The following LUZP2 variants were observed in gnomAD, a reference collection of about 807,000 sequenced individuals.
The protein encoded by LUZP2 is leucine zipper protein 2.
A neutral mutation model predicts 51.6 loss-of-function variants in LUZP2; 52 were observed. The observed-to-expected ratio is 1.01, with a 90% CI of 0.81 to 1.27. The LOEUF is 1.27. Among genes scored for constraint, LUZP2 ranks in the 50% most tolerant of loss-of-function variants. LUZP2 has a pLI of 0.00. For synonymous variants in LUZP2, 154 were observed against 137.3 expected (o/e 1.12, Z -0.85); for missense variants, 436 against 395.4 (o/e 1.10, Z -0.87).
intron 1 of LUZP2, among the ~76,000 whole-genome samples, chr11:24,726,948 T>G (rs1454329394): frequency 6.6e-6 from 1 of 152,152 alleles, no homozygotes; most frequent in Non-Finnish European, 1.5e-5. Context: ...GGACCTTAAA[T>G]GTTTGAATCT....
chr11:24,987,747 G>A (rs1246768886), intron 9 of LUZP2, among the ~76,000 whole-genome samples: 1 of 151,924 alleles, frequency 6.6e-6, no homozygotes, highest in African/African-American at 2.4e-5. Flanking sequence ...TGGAAGTTTA[G>A]ATAGATCAAG....
At chr11:24,759,409 C>T (rs1007634728) in intron 4 of LUZP2, among the ~76,000 whole-genome samples, 8 of 152,034 alleles carry the variant, frequency 5.3e-5, no homozygotes, top group African/African-American at 1.7e-4. Flanking sequence ...GCCTAAAATG[C>T]TAATATATTT....
At chr11:25,062,758 C>G (rs1858881862) in intron 10 of LUZP2, among the ~76,000 whole-genome samples, 1 of 151,082 alleles carries the variant, frequency 6.6e-6, no homozygotes, top group South Asian at 2.1e-4. Context: ...ACATTTCTTG[C>G]TTTGTATTAG....
chr11:24,694,894 G>A (rs958226210), intron 1 of LUZP2, among the ~76,000 whole-genome samples: 27 of 151,484 alleles, frequency 1.8e-4, no homozygotes, highest in Non-Finnish European at 3.5e-4. Context: ...CACAGGGAGG[G>A]GAACATCACA....
chr11:24,960,008 C>A (rs1310885382), intron 7 of LUZP2, among the ~76,000 whole-genome samples: 2 of 152,164 alleles, frequency 1.3e-5, no homozygotes, highest in East Asian at 1.9e-4. Context: ...TTGAGATAAT[C>A]ATGTGGTTTT....
intron 1 of LUZP2, among the ~76,000 whole-genome samples, chr11:24,617,215 ATT>A (rs35027145): frequency 8.8e-5 from 13 of 147,982 alleles, no homozygotes; most frequent in South Asian, 4.3e-4. Flanking sequence ...ATGTTCACTG[ATT>A]TTTTTTTTCC....
chr11:24,617,505 C>T (rs1176287280), intron 1 of LUZP2, among the ~76,000 whole-genome samples: 15 of 152,170 alleles, frequency 9.9e-5, no homozygotes, highest in Admixed American at 7.2e-4. Context: ...ATTCTTAGTA[C>T]GATAGTGATT....
At chr11:25,061,669 C>A (rs1858841644) in intron 10 of LUZP2, among the ~76,000 whole-genome samples, 1 of 152,212 alleles carries the variant, frequency 6.6e-6, no homozygotes, top group East Asian at 1.9e-4. Context: ...ACTTGTACTA[C>A]TCTTTGTATT....
At chr11:24,628,855 G>A (rs116973938) in intron 1 of LUZP2, among the ~76,000 whole-genome samples, 42 of 152,148 alleles carry the variant, frequency 2.8e-4, no homozygotes, top group African/African-American at 8.0e-4. Flanking sequence ...CCTCTTGCCC[G>A]GCCTGCTTGG....
chr11:24,620,690 G>A (rs1202182379), intron 1 of LUZP2, among the ~76,000 whole-genome samples: 1 of 152,152 alleles, frequency 6.6e-6, no homozygotes, highest in Admixed American at 6.5e-5. Flanking sequence ...GTGGACAGCT[G>A]CAAAGTAAGT....
At chr11:24,958,091 T>C (rs1273325469) in intron 7 of LUZP2, among the ~76,000 whole-genome samples, 1 of 152,250 alleles carries the variant, frequency 6.6e-6, no homozygotes, top group Non-Finnish European at 1.5e-5. Context: ...TCATCATTTT[T>C]TTATGGCTGC....
At chr11:24,736,096 C>T (rs530846529) in intron 3 of LUZP2, among the ~76,000 whole-genome samples, 1 of 151,962 alleles carries the variant, frequency 6.6e-6, no homozygotes, top group African/African-American at 2.4e-5. Flanking sequence ...TCTATCTTTT[C>T]CAGATTTTAC....
intron 9 of LUZP2, among the ~76,000 whole-genome samples, chr11:24,995,453 G>T (rs1207217706): frequency 6.6e-6 from 1 of 151,986 alleles, no homozygotes; most frequent in Non-Finnish European, 1.5e-5. Flanking sequence ...GAGAAAAAAT[G>T]CTCTTTTAAG....
At chr11:24,560,388 C>A (rs1414789127) in intron 1 of LUZP2, among the ~76,000 whole-genome samples, 1 of 151,976 alleles carries the variant, frequency 6.6e-6, no homozygotes, top group Non-Finnish European at 1.5e-5. Context: ...TAAGCTGGGG[C>A]TAAACAATTA....
rs560806795 is a variant in LUZP2 at position 24,737,943 on chromosome 11, A to T, written c.252-278A>T. Among the ~76,000 whole-genome samples, 2 of 152,204 alleles carry T rather than the reference A, an allele frequency of 1.3e-5. 1 individual carries two copies. The highest frequency in any genetic ancestry group is 4.1e-4 in the South Asian group (2 of 4,828). The stretch of plus-strand genomic sequence containing the variant: ...ATATATTGCTTTGATTTAACACATC[A>T]TGTGCCTCACAGATGATTCAAACGT... On this transcript the variant is annotated intron_variant, in intron 3 of 11. Transcript: ENST00000336930.
intron 5 of LUZP2, chr11:24,891,493 A>G (rs1852851799): frequency 2.1e-6 from 2 of 955,742 alleles, no homozygotes; most frequent in African/African-American, 3.5e-5. Flanking sequence ...AAGCTATATT[A>G]TTATACTTTA....
chr11:24,730,036 T>C (rs538610909), intron 2 of LUZP2, among the ~76,000 whole-genome samples: 2 of 151,850 alleles, frequency 1.3e-5, no homozygotes, highest in South Asian at 2.1e-4. Context: ...CTGAACCATG[T>C]TTTTAAACCA....
chr11:24,612,454 G>T (rs1043469031), intron 1 of LUZP2, among the ~76,000 whole-genome samples: 2 of 152,046 alleles, frequency 1.3e-5, no homozygotes, highest in Non-Finnish European at 2.9e-5. Flanking sequence ...ATTTTGCCAT[G>T]ATATGCTCCC....
At chr11:25,067,034 A>C (rs965677402) in intron 10 of LUZP2, among the ~76,000 whole-genome samples, 1 of 151,978 alleles carries the variant, frequency 6.6e-6, no homozygotes, top group African/African-American at 2.4e-5. Context: ...TGTAAAGGGA[A>C]AACTCTGAAG....
Sources: allele counts gnomAD v4.1 joint callset (sites outside exome capture counted in the v4.1 genomes callset), GRCh38; gene constraint gnomAD v4.1.1; transcripts MANE v1.5; gene names NCBI Gene and HGNC (gene_info 2026-07-23, HGNC 2026-07-21).